Variants in ANP32B observed in about 807,000 individuals in gnomAD.
The protein encoded by ANP32B is acidic nuclear phosphoprotein 32 family member B.
In ANP32B, 6 loss-of-function variants were observed where a neutral mutation model predicts 32.2. The observed-to-expected ratio is 0.19, with a 90% CI of 0.10 to 0.37. The LOEUF is 0.37. Among genes scored for constraint, ANP32B ranks in the 10% least tolerant of loss-of-function variants. ANP32B has a pLI of 1.00. For missense variants in ANP32B, 204 were observed against 289.2 expected (o/e 0.71, Z 2.14); for synonymous variants, 98 against 105.8 (o/e 0.93, Z 0.45).
At chr9:97,986,291 A>G (rs2131579490) in intron 1 of ANP32B, among the ~76,000 whole-genome samples, 1 of 152,364 alleles carries the variant, frequency 6.6e-6, no homozygotes, top group Admixed American at 6.5e-5. Flanking sequence ...TGCAGAATCC[A>G]CTGGTTTATT....
intron 2 of ANP32B, among the ~76,000 whole-genome samples, chr9:97,996,007 C>G (rs1211205106): frequency 6.7e-6 from 1 of 150,234 alleles, no homozygotes; most frequent in Non-Finnish European, 1.5e-5. Flanking sequence ...TCTTTATTTG[C>G]CTTGTTTAGG....
At chr9:97,983,844 C>T (rs1355252804) in intron 1 of ANP32B, among the ~76,000 whole-genome samples, 4 of 151,868 alleles carry the variant, frequency 2.6e-5, no homozygotes, top group Non-Finnish European at 5.9e-5. Flanking sequence ...TGGGGGAAAG[C>T]AAACTTTGAG....
intron 5 of ANP32B, 51 bp from the exon 6 acceptor site, chr9:98,012,370 T>G: frequency 6.3e-7 from 1 of 1,594,226 alleles, no homozygotes; most frequent in Non-Finnish European, 8.5e-7. Context: ...CTATATGCAC[T>G]TTTCAATTTG....
intron 4 of ANP32B, among the ~76,000 whole-genome samples, chr9:98,009,621 C>T (rs887526678): frequency 1.3e-5 from 2 of 152,362 alleles, no homozygotes; most frequent in East Asian, 1.9e-4. Flanking sequence ...TGACAGGAGG[C>T]GGAGTTCACG....
At chr9:97,993,113 G>T (rs779030266) in intron 1 of ANP32B, among the ~76,000 whole-genome samples, 7 of 152,182 alleles carry the variant, frequency 4.6e-5, no homozygotes, top group Non-Finnish European at 8.8e-5. Flanking sequence ...CTAAAGAAAA[G>T]TGGAAGGAAG....
intron 3 of ANP32B, 57 bp from the exon 4 acceptor site, chr9:98,004,907 A>G (rs1211752646): frequency 2.5e-5 from 35 of 1,401,238 alleles, no homozygotes; most frequent in Non-Finnish European, 3.3e-5. Context: ...CAAGAGATGG[A>G]TTTGTTACTT....
intron 4 of ANP32B, among the ~76,000 whole-genome samples, chr9:98,005,580 G>T (rs982456377): frequency 8.6e-5 from 13 of 152,004 alleles, no homozygotes; most frequent in African/African-American, 3.1e-4. Flanking sequence ...TTGTGTGCGT[G>T]CGCACGCGTG....
At chr9:97,986,193 T>G (rs996126328) in intron 1 of ANP32B, among the ~76,000 whole-genome samples, 2 of 152,272 alleles carry the variant, frequency 1.3e-5, no homozygotes, top group Non-Finnish European at 2.9e-5. Context: ...TCAGTTAAAT[T>G]AAAACATTTT....
rs754112809 is a variant in ANP32B, at chr9:97,994,771, A to G, written c.195A>G (p.Lys65=). The change falls in exon 2 of 7, where the codon AAA becomes AAG. Residue 65 remains lysine, a synonymous_variant. Transcript: ENST00000339399. ...TTTCAAATCTCCCCAAGCTGCCTAA[A>G]TTGAAAAAGGTAAGTGCTTTTTCTT... is the stretch of plus-strand genomic sequence containing the variant. The part of the protein sequence containing the change: ...ISVSNLPKLP[K]LKKLELSENR... The G allele has an allele frequency of 1.3e-6, 2 of 1,591,266 alleles. No homozygotes were observed. Among genetic ancestry groups the G allele is most frequent in the South Asian group, 1.2e-5 (1 of 86,570 alleles).
chr9:97,996,129 G>A (rs954303789), intron 2 of ANP32B, among the ~76,000 whole-genome samples: 2 of 152,040 alleles, frequency 1.3e-5, no homozygotes, highest in African/African-American at 4.8e-5. Context: ...TTTTATATTT[G>A]CATGGGTTAT....
At chr9:97,987,918 G>GT (rs879444616) in intron 1 of ANP32B, among the ~76,000 whole-genome samples, 34 of 151,986 alleles carry the variant, frequency 2.2e-4, no homozygotes, top group Non-Finnish European at 3.1e-4. Context: ...ACTAATTGGG[G>GT]TTTTTTTCCT....
At chr9:98,006,936 C>T (rs973841760) in intron 4 of ANP32B, among the ~76,000 whole-genome samples, 5 of 151,646 alleles carry the variant, frequency 3.3e-5, no homozygotes, top group Admixed American at 6.6e-5. Context: ...TGCAGTGAGC[C>T]GAGATTGTGC....
At chr9:97,989,444 A>G (rs1313975072) in intron 1 of ANP32B, among the ~76,000 whole-genome samples, 3 of 152,150 alleles carry the variant, frequency 2.0e-5, no homozygotes, top group Non-Finnish European at 4.4e-5. Context: ...TGAGGGAAGA[A>G]GAGGAGTGAA....
chr9:97,989,922 C>T (rs1046786255), intron 1 of ANP32B, among the ~76,000 whole-genome samples: 2 of 152,168 alleles, frequency 1.3e-5, no homozygotes, highest in African/African-American at 2.4e-5. Flanking sequence ...AAAGCAAATA[C>T]ATGTCACAAA....
chr9:98,013,018 C>T (rs1049480705), intron 6 of ANP32B, among the ~76,000 whole-genome samples: 8 of 152,184 alleles, frequency 5.3e-5, no homozygotes, highest in African/African-American at 1.9e-4. Context: ...GCGTGAGCCA[C>T]CACACCCGGC....
intron 1 of ANP32B, among the ~76,000 whole-genome samples, chr9:97,994,067 T>C (rs886331712): frequency 7.2e-5 from 11 of 152,234 alleles, no homozygotes; most frequent in Non-Finnish European, 1.3e-4. Context: ...ATCTTTGTTT[T>C]GAATTAAGGA....
chr9:98,015,300 A>G, intron 6 of ANP32B, 64 bp from the exon 7 acceptor site: 2 of 1,536,996 alleles, frequency 1.3e-6, no homozygotes, highest in Admixed American at 2.1e-5. Flanking sequence ...TGTTGCCTCC[A>G]TTGGCAATAA....
At chr9:97,999,995 G>A (rs1476303118) in intron 3 of ANP32B, among the ~76,000 whole-genome samples, 1 of 152,212 alleles carries the variant, frequency 6.6e-6, no homozygotes, top group Admixed American at 6.5e-5. Flanking sequence ...AGAATGCTCT[G>A]TTGATACTTG....
chr9:97,988,016 C>T (rs1587870661), intron 1 of ANP32B, among the ~76,000 whole-genome samples: 2 of 152,220 alleles, frequency 1.3e-5, no homozygotes, highest in South Asian at 4.1e-4. Context: ...AGAAGATAGA[C>T]ATCATACATG....
Sources: allele counts gnomAD v4.1 joint callset (sites outside exome capture counted in the v4.1 genomes callset), GRCh38; gene constraint gnomAD v4.1.1; transcripts MANE v1.5; gene names NCBI Gene and HGNC (gene_info 2026-07-23, HGNC 2026-07-21).